PLA2G5: variants seen among roughly 807,000 people sequenced by gnomAD.
The protein encoded by PLA2G5 is phospholipase A2 group V.
PLA2G5 carries 12 observed loss-of-function variants against 15.9 expected under a neutral mutation model. The ratio of observed to expected loss-of-function variants is 0.76; its 90% confidence interval spans 0.48 to 1.23. The LOEUF (loss-of-function observed/expected upper bound fraction) is 1.23, where lower values mean the gene tolerates loss of function less well. Ranked by LOEUF, PLA2G5 falls within the 50% of genes most tolerant of loss-of-function variation. The pLI is 0.00. For missense variants in PLA2G5, 169 were observed against 177.1 expected (o/e 0.95, Z 0.26); for synonymous variants, 71 against 71.4 (o/e 0.99, Z 0.03).
At chr1:20,047,086 C>A (rs1488540047) in intron 1 of PLA2G5, among the ~76,000 whole-genome samples, 1 of 152,136 alleles carries the variant, frequency 6.6e-6, no homozygotes, top group Non-Finnish European at 1.5e-5. Flanking sequence ...GGGGTTTAAC[C>A]CCCTGTGATT....
In PLA2G5 at chr1:20,076,295, G is replaced by A. The variant is rs552091725; in HGVS notation, c.-11+5830G>A. On this transcript the variant is annotated intron_variant, in intron 1 of 4. Coordinates refer to ENST00000375108, the MANE Select transcript of PLA2G5 (RefSeq NM_000929.3). ...TTTCTTAGGGCTGTATGGAGCCCTG[G>A]GCTGAAAGTTTATAACCAAAAATCC... 5.9e-5 allele frequency among the ~76,000 whole-genome samples: 9 copies of A among 152,022 alleles called. No homozygotes were observed. In the South Asian group the frequency reaches 1.9e-3, roughly 32 times the overall value.
At chr1:20,069,968 G>T (rs370306238), upstream of PLA2G5, among the ~76,000 whole-genome samples, 3 of 152,212 alleles carry the variant, frequency 2.0e-5, no homozygotes, top group South Asian at 6.2e-4. Flanking sequence ...AAGATTCTAA[G>T]CAGGCTGTCA....
chr1:20,032,444 G>T (rs1557720559), intron 1 of PLA2G5, among the ~76,000 whole-genome samples: 1 of 152,046 alleles, frequency 6.6e-6, no homozygotes, highest in African/African-American at 2.4e-5. Context: ...TGTTTTACAG[G>T]GGGTCATGTG....
rs549869947 is a variant in PLA2G5 at position 20,035,419 on chromosome 1, G to A, written n.276+6710G>A. On this transcript the variant is annotated intron_variant and non_coding_transcript_variant, in intron 1 of 6. Transcript: ENST00000460175. ...TCTCCCAGCAGAATATAAGAGACAG[G>A]CTATTTCTCACAGCCTGAACCTCTT... is the stretch of plus-strand genomic sequence containing the variant. Among the ~76,000 whole-genome samples, 3 of 152,268 alleles carry A rather than the reference G, an allele frequency of 2.0e-5. No homozygotes were observed. In the South Asian group the frequency reaches 6.2e-4, roughly 32 times the overall value.
Position 20,086,235 on chromosome 1 carries a change from G to C in PLA2G5, c.185+8G>C. On this transcript the variant is annotated splice_region_variant and intron_variant, in intron 3 of 4. Coordinates refer to ENST00000375108, the MANE Select transcript of PLA2G5 (RefSeq NM_000929.3). ...CAAGGATGGCACCGATTGGTGAGCT[G>C]ATCGCTATAACTGCCCTTTAGGCTC... 1 of 1,613,998 alleles carries C rather than the reference G, an allele frequency of 6.2e-7. No individual in the cohort carries two copies. Among genetic ancestry groups the C allele is most frequent in the Non-Finnish European group, 8.5e-7 (1 of 1,179,906 alleles).
At chr1:20,086,031 A>T in intron 2 of PLA2G5, 52 bp from the exon 3 acceptor site, 2 of 1,606,286 alleles carry the variant, frequency 1.2e-6, no homozygotes, top group Non-Finnish European at 1.7e-6. Context: ...AGTGGGCCTA[A>T]AGCAGGGCTG....
At chr1:20,048,443 T>C (rs1273932433) in intron 1 of PLA2G5, among the ~76,000 whole-genome samples, 1 of 152,186 alleles carries the variant, frequency 6.6e-6, no homozygotes, top group Non-Finnish European at 1.5e-5. Flanking sequence ...TCTTTGCTTG[T>C]GTAATTTCTA....
At chr1:20,077,955 C>A (rs752457674) in intron 1 of PLA2G5, among the ~76,000 whole-genome samples, 8 of 152,172 alleles carry the variant, frequency 5.3e-5, no homozygotes, top group Non-Finnish European at 1.2e-4. Context: ...AGCTAAATCC[C>A]TGAACTCGAA....
intron 1 of PLA2G5, among the ~76,000 whole-genome samples, chr1:20,084,282 C>G (rs1230020148): frequency 6.6e-6 from 1 of 152,130 alleles, no homozygotes; most frequent in Non-Finnish European, 1.5e-5. Flanking sequence ...CTGCAAAGAA[C>G]CATCAGGGTA....
chr1:20,067,003 C>CTT (rs35795826), upstream of PLA2G5, among the ~76,000 whole-genome samples: 3 of 151,438 alleles, frequency 2.0e-5, no homozygotes, highest in Admixed American at 6.6e-5. Context: ...GAGACCTTGT[C>CTT]TTTTTTTTCT....
chr1:20,085,797 G>A (rs992824262), intron 2 of PLA2G5, among the ~76,000 whole-genome samples: 5 of 152,126 alleles, frequency 3.3e-5, no homozygotes, highest in African/African-American at 9.7e-5. Flanking sequence ...TGGGGTCCCC[G>A]TTTTCCAGGG....
chr1:20,083,636 A>C (rs1315227398), intron 1 of PLA2G5, among the ~76,000 whole-genome samples: 2 of 151,920 alleles, frequency 1.3e-5, no homozygotes, highest in East Asian at 3.8e-4. Flanking sequence ...TACCAAAGAC[A>C]GATTCTAAGG....
At chr1:20,050,550 T>A (rs963085185) in intron 1 of PLA2G5, among the ~76,000 whole-genome samples, 1 of 152,214 alleles carries the variant, frequency 6.6e-6, no homozygotes, top group African/African-American at 2.4e-5. Context: ...ACCAACTTTT[T>A]AATAAAGGTT....
intron 1 of PLA2G5, among the ~76,000 whole-genome samples, chr1:20,075,202 G>A (rs2015601816): frequency 6.6e-6 from 1 of 152,112 alleles, no homozygotes; most frequent in Non-Finnish European, 1.5e-5. Flanking sequence ...TAGAACTCAG[G>A]TTATCTTGTT....
intron 2 of PLA2G5, among the ~76,000 whole-genome samples, chr1:20,061,121 A>G (rs2014705504): frequency 6.6e-6 from 1 of 152,076 alleles, no homozygotes; most frequent in African/African-American, 2.4e-5. Context: ...TCATCTCTCC[A>G]TTGCTCTCAC....
rs1005388883 is a variant in PLA2G5 at position 20,070,254 on chromosome 1, C to T, written c.-222C>T. 1.0e-6 allele frequency: 1 copy of T among 985,580 alleles called. No homozygotes were observed. The highest frequency in any genetic ancestry group is 1.2e-6 in the Non-Finnish European group (1 of 830,026). The allele number at this position is 985,580 out of a possible 1,614,324, so 61.1% of individuals were successfully genotyped here. Reference sequence around the variant, plus strand: ...CCAGGCAGAAGTTTTTCCTCCCCACCTCCGGGTTTGTCCTCATCATCGGTC... The same window carrying T: ...CCAGGCAGAAGTTTTTCCTCCCCACTTCCGGGTTTGTCCTCATCATCGGTC... On this transcript the variant is annotated 5_prime_UTR_variant, in exon 1 of 5. Transcript: ENST00000375108.
At chr1:20,060,247 CTTTTTTTTTTTTTTT>C (rs71585739) in intron 2 of PLA2G5, among the ~76,000 whole-genome samples, 4 of 83,690 alleles carry the variant, frequency 4.8e-5, no homozygotes, top group South Asian at 5.4e-4. Context: ...CTTTTTTCTT[CTTTTTTTTTTTTTTT>C]TTTTTTTTTG....
intron 1 of PLA2G5, among the ~76,000 whole-genome samples, chr1:20,081,202 T>C (rs2016000423): frequency 6.6e-6 from 1 of 151,744 alleles, no homozygotes; most frequent in African/African-American, 2.4e-5. Context: ...TTCCTCTCTG[T>C]GGTCGTTTGA....
At chr1:20,057,150 C>T (rs933778839) in intron 1 of PLA2G5, among the ~76,000 whole-genome samples, 1 of 151,920 alleles carries the variant, frequency 6.6e-6, no homozygotes, top group Non-Finnish European at 1.5e-5. Flanking sequence ...CTGATATTTT[C>T]AAAGAATCAA....
Sources: allele counts gnomAD v4.1 joint callset (sites outside exome capture counted in the v4.1 genomes callset), GRCh38; gene constraint gnomAD v4.1.1; transcripts MANE v1.5; gene names NCBI Gene and HGNC (gene_info 2026-07-23, HGNC 2026-07-21).